The following MAP4K4 variants were observed in gnomAD, a reference collection of about 807,000 sequenced individuals.
MAP4K4 encodes the protein HPK/GCK-like kinase HGK.
Under a neutral mutation model 189.6 loss-of-function variants are expected in MAP4K4, and 38 were observed. The ratio of observed to expected loss-of-function variants is 0.20; its 90% CI spans 0.15 to 0.26. The LOEUF is 0.26. Among genes scored for constraint, MAP4K4 ranks in the 10% least tolerant of loss-of-function variants. MAP4K4 has a pLI of 1.00. For missense variants in MAP4K4, 1,054 were observed against 1,726.9 expected (o/e 0.61, Z 6.91); for synonymous variants, 610 against 624.3 (o/e 0.98, Z 0.34).
At chr2:101,823,418 C>T (rs543274031) in intron 3 of MAP4K4, among the ~76,000 whole-genome samples, 1 of 152,272 alleles carries the variant, frequency 6.6e-6, no homozygotes, top group East Asian at 1.9e-4. Flanking sequence ...CTCCAGCCTG[C>T]GTTCATGTAT....
At chr2:101,856,248 C>T (rs2097452544) in intron 13 of MAP4K4, 110 bp downstream of exon 13, 4 of 955,228 alleles carry the variant, frequency 4.2e-6, no homozygotes, top group Non-Finnish European at 6.1e-6. Flanking sequence ...CACATGTACA[C>T]ACATACACAT....
intron 27 of MAP4K4, among the ~76,000 whole-genome samples, chr2:101,880,511 A>ATT (rs542768415): frequency 2.9e-5 from 4 of 137,374 alleles, no homozygotes; most frequent in Non-Finnish European, 3.2e-5. Flanking sequence ...GTATAGTTCT[A>ATT]TTTTTTTTTT....
intron 2 of MAP4K4, among the ~76,000 whole-genome samples, chr2:101,789,710 C>T (rs1450424469): frequency 6.6e-6 from 1 of 152,178 alleles, no homozygotes; most frequent in South Asian, 2.1e-4. Flanking sequence ...TGCAGAAGGA[C>T]CGTTTCTCAC....
At chr2:101,817,696 C>T (rs1045521735) in intron 3 of MAP4K4, among the ~76,000 whole-genome samples, 6 of 152,266 alleles carry the variant, frequency 3.9e-5, no homozygotes, top group Middle Eastern at 6.8e-3. Context: ...GAGAAGAGGG[C>T]GGGTCCAGGG....
intron 9 of MAP4K4, 33 bp downstream of exon 9, chr2:101,836,011 C>A (rs1267474275): frequency 6.6e-7 from 1 of 1,522,088 alleles, no homozygotes; most frequent in Non-Finnish European, 9.1e-7. Flanking sequence ...TTGTTCTTTT[C>A]CCTTTTTTTT....
At chr2:101,840,229 G>C (rs1454400004) in intron 10 of MAP4K4, among the ~76,000 whole-genome samples, 1 of 152,054 alleles carries the variant, frequency 6.6e-6, no homozygotes, top group Admixed American at 6.5e-5. Context: ...CATTGCGATG[G>C]GATGCTTTTC....
intron 12 of MAP4K4, among the ~76,000 whole-genome samples, chr2:101,846,229 C>T (rs564566290): frequency 2.0e-5 from 3 of 152,296 alleles, no homozygotes; most frequent in African/African-American, 7.2e-5. Context: ...GTTCTTTGAA[C>T]GTAATAAATC....
chr2:101,722,397 G>C (rs1422419376), intron 2 of MAP4K4, among the ~76,000 whole-genome samples: 1 of 152,144 alleles, frequency 6.6e-6, no homozygotes, highest in Non-Finnish European at 1.5e-5. Context: ...TTTTTCTCTC[G>C]TTTTGTTTCT....
Position 101,820,852 on chromosome 2 carries a change from C to T in MAP4K4, c.181-3076C>T, listed in dbSNP as rs1464829942. ...ACAGCAAGCCCTGGTCGCTACTGCT[C>T]GTTACACTGTGCATGTTGATGTGTG... On this transcript the variant is annotated intron_variant, in intron 3 of 32. Transcript: ENST00000324219. Among the ~76,000 whole-genome samples the T allele has an allele frequency of 2.0e-5, 3 of 152,128 alleles. No individual in the cohort carries two copies. The East Asian group carries it at 5.8e-4, about 29-fold the overall frequency.
chr2:101,871,667 C>A, exon 24 of MAP4K4: 1 of 1,536,668 alleles, frequency 6.5e-7, no homozygotes, highest in Non-Finnish European at 8.7e-7. Flanking sequence ...CACCCCAGGA[C>A]AAGCTCACTG....
intron 9 of MAP4K4, among the ~76,000 whole-genome samples, chr2:101,838,491 T>C (rs2149512014): frequency 6.6e-6 from 1 of 152,336 alleles, no homozygotes; most frequent in Admixed American, 6.5e-5. Flanking sequence ...CATTATTCTC[T>C]AACACTTCCC....
intron 3 of MAP4K4, among the ~76,000 whole-genome samples, chr2:101,802,528 G>T (rs1288783538): frequency 1.3e-5 from 2 of 151,876 alleles, no homozygotes; most frequent in South Asian, 2.1e-4. Context: ...GCCTGATCCC[G>T]CCCAGAGACC....
intron 12 of MAP4K4, among the ~76,000 whole-genome samples, chr2:101,848,947 C>T (rs2097194269): frequency 6.6e-6 from 1 of 152,124 alleles, no homozygotes; most frequent in South Asian, 2.1e-4. Context: ...ATGCTGAGCT[C>T]ATGCAGCCGA....
chr2:101,852,222 T>G (rs1490367470), intron 12 of MAP4K4, among the ~76,000 whole-genome samples: 1 of 152,064 alleles, frequency 6.6e-6, no homozygotes, highest in Non-Finnish European at 1.5e-5. Flanking sequence ...CTTGGTGATC[T>G]TGAAAAGATT....
chr2:101,722,085 G>A (rs1173868715), intron 2 of MAP4K4, among the ~76,000 whole-genome samples: 1 of 152,184 alleles, frequency 6.6e-6, no homozygotes, highest in Non-Finnish European at 1.5e-5. Context: ...TGAAGGAAAA[G>A]TATGGTAGAG....
At chr2:101,789,048 TGAAAA>T (rs761882905) in intron 2 of MAP4K4, among the ~76,000 whole-genome samples, 14 of 152,150 alleles carry the variant, frequency 9.2e-5, no homozygotes, top group Non-Finnish European at 1.5e-4. Flanking sequence ...ATTACCCTCT[TGAAAA>T]GAAGGAAAGC....
At chr2:101,754,759 A>G (rs184229065) in intron 2 of MAP4K4, among the ~76,000 whole-genome samples, 2 of 152,340 alleles carry the variant, frequency 1.3e-5, no homozygotes, top group African/African-American at 4.8e-5. Context: ...GGCTGTCAAT[A>G]AAAGAAATGC....
intron 3 of MAP4K4, among the ~76,000 whole-genome samples, chr2:101,822,826 G>A (rs149272181): frequency 8.1e-4 from 123 of 152,240 alleles, no homozygotes; most frequent in African/African-American, 2.9e-3. Flanking sequence ...CATTTTAGGG[G>A]ACTAGTCATC....
exon 31 of MAP4K4, chr2:101,887,879 A>G (rs1378858669): frequency 1.5e-5 from 24 of 1,612,552 alleles, no homozygotes; most frequent in Non-Finnish European, 2.0e-5. Context: ...ATGTAAACAC[A>G]TATGGAAGGA....
Sources: allele counts gnomAD v4.1 joint callset (sites outside exome capture counted in the v4.1 genomes callset), GRCh38; gene constraint gnomAD v4.1.1; transcripts MANE v1.5; gene names NCBI Gene and HGNC (gene_info 2026-07-23, HGNC 2026-07-21).